Variants in SEPTIN10 observed in about 807,000 individuals in gnomAD.
SEPTIN10 encodes the protein septin 10.
Under a neutral mutation model 54.8 loss-of-function variants are expected in SEPTIN10, and 66 were observed. That is an observed-to-expected ratio of 1.21 (90% confidence interval 0.99 to 1.48). The LOEUF (loss-of-function observed/expected upper bound fraction) is 1.48, where lower values mean the gene tolerates loss of function less well. Ranked by LOEUF, SEPTIN10 falls within the 40% of genes most tolerant of loss-of-function variation. The pLI is 0.00. For synonymous variants in SEPTIN10, 161 were observed against 181.0 expected (o/e 0.89, Z 0.89); for missense variants, 620 against 545.6 (o/e 1.14, Z -1.36).
At chr2:109,584,474 CAAAAA>C (rs71958517) in intron 4 of SEPTIN10, among the ~76,000 whole-genome samples, 11 of 72,012 alleles carry the variant, frequency 1.5e-4, no homozygotes, top group African/African-American at 4.5e-4. Context: ...GACTCTGTCT[CAAAAA>C]AAAAAAAAAA....
At chr2:109,605,027 T>A (rs1697612038) in intron 1 of SEPTIN10, 1 of 152,134 alleles carries the variant, frequency 6.6e-6, no homozygotes, top group South Asian at 2.1e-4. Flanking sequence ...GCACCTTGGA[T>A]CCCTCAAAGA....
intron 2 of SEPTIN10, among the ~76,000 whole-genome samples, chr2:109,591,840 T>C (rs1694140230): frequency 6.6e-6 from 1 of 151,482 alleles, no homozygotes; most frequent in East Asian, 2.0e-4. Context: ...GTAGGTTGAG[T>C]GAGCCGAGAT....
chr2:109,598,154 C>T (rs868197186), intron 1 of SEPTIN10, among the ~76,000 whole-genome samples: 139 of 152,164 alleles, frequency 9.1e-4, no homozygotes, highest in African/African-American at 3.3e-3. Context: ...CCTCTGCCTT[C>T]TGGGTTCAAG....
At chr2:109,585,087 T>A (rs754109625) in intron 4 of SEPTIN10, 39 bp downstream of exon 4, 10 of 1,352,496 alleles carry the variant, frequency 7.4e-6, no homozygotes, top group African/African-American at 1.5e-5. Flanking sequence ...TGTCTTGAAA[T>A]AAGAAAAACT....
chr2:109,564,454 T>A lies in SEPTIN10; in HGVS notation c.940A>T (p.Thr314Ser). The A allele has an allele frequency of 6.3e-7, 1 of 1,598,706 alleles. No homozygotes were observed. The highest frequency in any genetic ancestry group is 8.5e-7 in the Non-Finnish European group (1 of 1,170,316). The change falls in exon 8 of 11, where the codon ACC becomes TCC. Residue 314 changes from threonine (T) to serine (S), a missense_variant. Transcript: ENST00000397712. ...CTNMEDLREQ[T>S]HTRHYELYRR... The stretch of plus-strand genomic sequence containing the variant: ...TAAAGCTCATAGTGCCTGGTATGGG[T>A]CTGCTCTCGCAGGTCCTCCATATTT...
intron 9 of SEPTIN10, among the ~76,000 whole-genome samples, chr2:109,551,532 A>T (rs541171326): frequency 1.3e-5 from 2 of 152,356 alleles, no homozygotes; most frequent in South Asian, 4.1e-4. Flanking sequence ...TCTTGGGGCA[A>T]CTGGGGAAAT....
chr2:109,580,152 T>TA (rs1048918038), intron 4 of SEPTIN10, among the ~76,000 whole-genome samples: 43 of 150,048 alleles, frequency 2.9e-4, no homozygotes, highest in African/African-American at 1.0e-3. Flanking sequence ...GAATACAGGC[T>TA]AAAAAAACTT....
intron 1 of SEPTIN10, among the ~76,000 whole-genome samples, chr2:109,601,821 C>T (rs1320342401): frequency 4.0e-5 from 6 of 150,722 alleles, no homozygotes; most frequent in African/African-American, 1.5e-4. Flanking sequence ...ATTAAGTTTT[C>T]TAATACTCTA....
intron 2 of SEPTIN10, among the ~76,000 whole-genome samples, chr2:109,591,790 T>C (rs566671493): frequency 6.6e-6 from 1 of 151,894 alleles, no homozygotes; most frequent in African/African-American, 2.4e-5. Context: ...CATAGCTATT[T>C]GGGGGGCTGA....
At position 109,564,540 on chromosome 2, in the gene SEPTIN10, CAA is replaced by C; in HGVS notation, c.860-8_860-7del. 7.7e-6 allele frequency: 11 copies of C among 1,436,256 alleles called. No homozygotes were observed. The highest frequency in any genetic ancestry group is 3.1e-5 in the South Asian group (2 of 63,694). 89.0% of individuals were successfully genotyped at this position (1,436,256 alleles called of 1,614,324 possible). A position where few individuals can be genotyped will look rare whatever the true frequency, so the allele number is the denominator to read the frequency against. On this transcript the variant is annotated splice_region_variant and splice_polypyrimidine_tract_variant and intron_variant, in intron 7 of 10. Coordinates refer to ENST00000397712, the MANE Select transcript of SEPTIN10 (RefSeq NM_144710.5). ...ACAGTGGTTTTCATTTTCCACTAGC[CAA>C]AAAAAAATAAGAAAAGAACAACACT...
chr2:109,564,630 G>C, intron 7 of SEPTIN10, 96 bp from the exon 8 acceptor site: 4 of 1,086,384 alleles, frequency 3.7e-6, no homozygotes, highest in Non-Finnish European at 4.9e-6. Flanking sequence ...GAAAACATGT[G>C]AAACAACAAA....
rs1032912164 is a variant in SEPTIN10, at chr2:109,585,380, T to C, written c.218-59A>G. 16 of 1,368,802 alleles carry C rather than the reference T, an allele frequency of 1.2e-5. No individual in the cohort carries two copies. In the African/African-American group the frequency reaches 2.2e-4, roughly 19 times the overall value. 84.8% of individuals were successfully genotyped at this position (1,368,802 alleles called of 1,614,324 possible). The stretch of plus-strand genomic sequence containing the variant: ...ATGAATGGCTGAAAAGAAATACAAC[T>C]GTAAATGCCTAGAGTGGTTTCAAAG... On this transcript the variant is annotated intron_variant, in intron 3 of 10. Transcript: ENST00000397712.
At chr2:109,578,924 C>T (rs760274211) in intron 4 of SEPTIN10, among the ~76,000 whole-genome samples, 9 of 151,696 alleles carry the variant, frequency 5.9e-5, no homozygotes, top group African/African-American at 1.2e-4. Flanking sequence ...AAAGTACAGA[C>T]GTAAGAGCAG....
intron 10 of SEPTIN10, 29 bp downstream of exon 10, chr2:109,546,020 GC>G: frequency 6.5e-7 from 1 of 1,540,474 alleles, no homozygotes; most frequent in South Asian, 1.3e-5. Flanking sequence ...TGTGGGCAGG[GC>G]TGCCAGGGAG....
At chr2:109,566,930 A>G (rs1225066734) in intron 6 of SEPTIN10, among the ~76,000 whole-genome samples, 2 of 152,294 alleles carry the variant, frequency 1.3e-5, no homozygotes, top group East Asian at 3.9e-4. Context: ...GGCTTTCTGA[A>G]TATTCTAGTT....
At chr2:109,559,800 G>A (rs1685197115) in intron 8 of SEPTIN10, among the ~76,000 whole-genome samples, 1 of 151,712 alleles carries the variant, frequency 6.6e-6, no homozygotes, top group Non-Finnish European at 1.5e-5. Flanking sequence ...GCTGGCAATG[G>A]TTTCAGTTCA....
chr2:109,599,089 G>A (rs1250063407), intron 1 of SEPTIN10, among the ~76,000 whole-genome samples: 1 of 152,036 alleles, frequency 6.6e-6, no homozygotes, highest in East Asian at 1.9e-4. Context: ...AAAACAAGTA[G>A]TAACATTCAG....
intron 6 of SEPTIN10, among the ~76,000 whole-genome samples, chr2:109,566,362 C>T (rs1162827940): frequency 6.6e-6 from 1 of 151,918 alleles, no homozygotes; most frequent in Non-Finnish European, 1.5e-5. Context: ...CTCAGGTGAT[C>T]CACCTGTCTT....
At chr2:109,574,439 T>C in intron 5 of SEPTIN10, 142 bp downstream of exon 5, 1 of 380,920 alleles carries the variant, frequency 2.6e-6, no homozygotes, top group Non-Finnish European at 3.7e-6. Flanking sequence ...AGTGACTTTA[T>C]CTCTAAAAAA....
Sources: gnomAD v4.1 joint callset for allele counts (sites outside exome capture counted in the v4.1 genomes callset) on GRCh38, gnomAD v4.1.1 for gene constraint, MANE v1.5 for transcripts, NCBI Gene and HGNC (gene_info 2026-07-23, HGNC 2026-07-21) for gene names.